Variants in COL4A5 observed in about 807,000 individuals in gnomAD.
COL4A5 encodes collagen type IV alpha 5 chain, also known as collagen alpha-5(IV) chain.
COL4A5 carries 26 observed loss-of-function variants against 130.2 expected under a neutral mutation model. That is an observed-to-expected ratio of 0.20 (90% CI 0.15 to 0.28). The LOEUF (loss-of-function observed/expected upper bound fraction) is 0.28. Among genes scored for constraint, COL4A5 ranks in the 10% least tolerant of loss-of-function variants. COL4A5 has a pLI of 1.00. For synonymous variants in COL4A5, 496 were observed against 439.6 expected, an observed-to-expected ratio of 1.13 and a Z score of -1.60; for missense variants, 1,131 against 1,344.3, an observed-to-expected ratio of 0.84 and a Z score of 2.48.
intron 1 of COL4A5, among the ~76,000 whole-genome samples, chrX:108,498,982 T>C (rs149667102): frequency 0.029 from 3,251 of 111,279 alleles, 122 homozygotes; most frequent in African/African-American, 0.1. Flanking sequence ...TTTCAATTAT[T>C]TTGCATTTTT....
At chrX:108,478,973 G>C (rs1002805057) in intron 1 of COL4A5, among the ~76,000 whole-genome samples, 1 of 111,789 alleles carries the variant, frequency 8.9e-6, no homozygotes, top group Admixed American at 9.4e-5. Flanking sequence ...GGCAAATTGG[G>C]CACTCAGCAG....
chrX:108,544,904 T>A (rs933138160), intron 2 of COL4A5, among the ~76,000 whole-genome samples: 15 of 112,118 alleles, frequency 1.3e-4, no homozygotes, highest in Non-Finnish European at 2.6e-4. Context: ...CGTAGAGGTG[T>A]TTACAATATT....
intron 1 of COL4A5, among the ~76,000 whole-genome samples, chrX:108,472,399 T>G (rs1275385351): frequency 1.8e-5 from 2 of 111,442 alleles, no homozygotes; most frequent in Non-Finnish European, 3.8e-5. Flanking sequence ...GTGTAGATGT[T>G]CAATCCATTA....
chrX:108,524,826 A>G (rs1427079350), intron 1 of COL4A5, among the ~76,000 whole-genome samples: 2 of 111,649 alleles, frequency 1.8e-5, no homozygotes, highest in African/African-American at 3.2e-5. Flanking sequence ...ATTGATTTCT[A>G]ATTTTATTCC....
chrX:108,650,837 T>C lies in COL4A5; in HGVS notation c.3247-4494T>C, dbSNP rs960463753. 4.5e-5 allele frequency among the ~76,000 whole-genome samples: 5 copies of C among 109,992 alleles called. No homozygotes were observed. The East Asian group carries it at 1.4e-3, about 32-fold the overall frequency. On this transcript the variant is annotated intron_variant, in intron 36 of 52. Coordinates refer to ENST00000328300, the MANE Select transcript of COL4A5 (RefSeq NM_033380.3). The stretch of plus-strand genomic sequence containing the variant: ...CAAATACGGCACAGTGTATACTGCT[T>C]GGGTGATGGGTGCACCAAAATCTCA...
At chrX:108,563,743 C>T in intron 3 of COL4A5, 139 bp from the exon 4 acceptor site, 2 of 486,696 alleles carry the variant, frequency 4.1e-6, no homozygotes, top group South Asian at 3.5e-5. Context: ...ATAATAAATG[C>T]TTCTTCCTTG....
In COL4A5 at chrX:108,622,766, G is replaced by A; in HGVS notation, c.2858G>A (p.Gly953Glu). The change falls in exon 33 of 53, where the codon GGA (glycine) becomes GAA (glutamate). Residue 953 changes from glycine (G) to glutamate (E), a missense_variant. Gly to Glu is a moderately conservative substitution (Grantham distance 98). Transcript: ENST00000328300. ...GAGCCTGGCCTTCCAGGCCCTCCTG[G>A]ACCAATGGATCCAAATCTTCTGGGC... ...KGEPGLPGPP[G>E]PMDPNLLGSK... 1 of 1,210,883 alleles carries A rather than the reference G, an allele frequency of 8.3e-7. No individual in the cohort carries two copies. The highest frequency in any genetic ancestry group is 1.7e-5 in the African/African-American group (1 of 57,902).
At chrX:108,589,157 A>C (rs963710923) in intron 19 of COL4A5, among the ~76,000 whole-genome samples, 2 of 110,492 alleles carry the variant, frequency 1.8e-5, no homozygotes, top group African/African-American at 6.6e-5. Flanking sequence ...AGATGCAGAG[A>C]GAATAAGGAT....
chrX:108,518,101 G>A (rs5929128), intron 1 of COL4A5, among the ~76,000 whole-genome samples: 2 of 111,080 alleles, frequency 1.8e-5, no homozygotes, highest in South Asian at 3.7e-4. Context: ...ATAAAATAGC[G>A]TACACTTGGT....
chrX:108,609,660 C>G (rs1312882199), intron 29 of COL4A5, among the ~76,000 whole-genome samples: 8 of 111,184 alleles, frequency 7.2e-5, no homozygotes, highest in Non-Finnish European at 1.5e-4. Flanking sequence ...TTGCCTGCCC[C>G]AAAGTTGCCA....
At chrX:108,453,598 GGGT>G in intron 1 of COL4A5, among the ~76,000 whole-genome samples, 1 of 110,900 alleles carries the variant, frequency 9.0e-6, no homozygotes, top group African/African-American at 3.3e-5. Flanking sequence ...CCAGATGATG[GGGT>G]CTTCAATACT....
intron 1 of COL4A5, among the ~76,000 whole-genome samples, chrX:108,464,480 T>C (rs1311184402): frequency 8.9e-6 from 1 of 112,040 alleles, no homozygotes; most frequent in African/African-American, 3.2e-5. Context: ...AGGGAAGAAC[T>C]GTTCAAATTA....
At chrX:108,636,602 A>G (rs771957017) in intron 36 of COL4A5, among the ~76,000 whole-genome samples, 1 of 111,440 alleles carries the variant, frequency 9.0e-6, no homozygotes, top group East Asian at 2.8e-4. Context: ...ATTCAACGGA[A>G]AGCAAATAAC....
Position 108,475,178 on chromosome X carries a change from C to T in COL4A5, c.81+34972C>T, listed in dbSNP as rs774559440. Among the ~76,000 whole-genome samples, 28 of 110,990 alleles carry T rather than the reference C, an allele frequency of 2.5e-4. No homozygotes were observed. In the South Asian group the frequency reaches 3.0e-3, roughly 12 times the overall value. ...TAGGGATGGCATTGAATCTGTGGAT[C>T]GCTTTGAGTCTTTGTATACATGTTT... On this transcript the variant is annotated intron_variant, in intron 1 of 52. Coordinates refer to ENST00000328300, the MANE Select transcript of COL4A5 (RefSeq NM_033380.3).
At chrX:108,451,001 C>G (rs1374234208) in intron 1 of COL4A5, among the ~76,000 whole-genome samples, 1 of 105,331 alleles carries the variant, frequency 9.5e-6, no homozygotes, top group Non-Finnish European at 1.9e-5. Context: ...CCACTCCCCC[C>G]ACCCCTCAAC....
chrX:108,455,477 T>C (rs62603578), intron 1 of COL4A5, among the ~76,000 whole-genome samples: 36,537 of 111,407 alleles, frequency 0.33, 5,372 homozygotes, highest in Non-Finnish European at 0.45. Context: ...AACTCAATTA[T>C]AACTTAACAA....
intron 28 of COL4A5, among the ~76,000 whole-genome samples, chrX:108,606,218 A>G (rs1259486621): frequency 8.9e-6 from 1 of 111,961 alleles, no homozygotes; most frequent in South Asian, 3.7e-4. Context: ...GCTTTCACAT[A>G]TCCATCACCC....
intron 44 of COL4A5, among the ~76,000 whole-genome samples, 160 bp from the exon 45 acceptor site, chrX:108,680,517 ACT>A (rs1340188408): frequency 9.0e-6 from 1 of 111,320 alleles, no homozygotes; most frequent in Non-Finnish European, 1.9e-5. Flanking sequence ...TAAATAATCA[ACT>A]CAATTCACAC....
At position 108,559,066 on chromosome X, in the gene COL4A5, A is replaced by G. The variant is rs749839339; in HGVS notation, c.144A>G (p.Gly48=). The G allele has an allele frequency of 8.3e-7, 1 of 1,204,246 alleles. No homozygotes were observed. Among genetic ancestry groups the G allele is most frequent in the East Asian group, 3.0e-5 (1 of 33,790 alleles). ...CDCSGIKGEK[G]ERGFPGLEGH... The stretch of plus-strand genomic sequence containing the variant: ...CTTTCATTCTCATTTAATTGCAGGG[A>G]GAGAGAGGGTTTCCAGGTTTGGAAG... The change falls in exon 3 of 53, where the codon GGA becomes GGG. Residue 48 remains glycine, a splice_region_variant and synonymous_variant. Coordinates refer to ENST00000328300, the MANE Select transcript of COL4A5 (RefSeq NM_033380.3).
Sources: allele counts gnomAD v4.1 joint callset (sites outside exome capture counted in the v4.1 genomes callset), GRCh38; gene constraint gnomAD v4.1.1; transcripts MANE v1.5; gene names NCBI Gene and HGNC (gene_info 2026-07-23, HGNC 2026-07-21).